XRCC2: variants seen among roughly 807,000 people sequenced by gnomAD.
The protein encoded by XRCC2 is X-ray repair cross complementing 2, also known as DNA repair protein XRCC2.
XRCC2 carries 24 observed loss-of-function variants against 27.3 expected under a neutral mutation model. The observed-to-expected ratio is 0.88, with a 90% CI of 0.64 to 1.24. The LOEUF is 1.24. XRCC2 is among the 50% of genes most tolerant of loss of function. The pLI is 0.00. For synonymous variants in XRCC2, 106 were observed against 115.4 expected, an observed-to-expected ratio of 0.92 and a Z score of 0.52; for missense variants, 321 against 325.8, an observed-to-expected ratio of 0.99 and a Z score of 0.11.
At chr7:152,664,447 G>A (rs2098034726) in intron 1 of XRCC2, among the ~76,000 whole-genome samples, 1 of 152,086 alleles carries the variant, frequency 6.6e-6, no homozygotes, top group Non-Finnish European at 1.5e-5. Context: ...AATGCAGACG[G>A]GCATCCTCCA....
At chr7:152,659,969 T>G (rs1333964708) in intron 2 of XRCC2, among the ~76,000 whole-genome samples, 1 of 152,174 alleles carries the variant, frequency 6.6e-6, no homozygotes, top group African/African-American at 2.4e-5. Context: ...AATGAACTAC[T>G]GATACGTGTT....
chr7:152,645,696 A>T lies in XRCC2; in HGVS notation c.*2946T>A, dbSNP rs1216768679. 6.6e-6 allele frequency: 1 copy of T among 152,172 alleles called. No homozygotes were observed. Among genetic ancestry groups the T allele is most frequent in the Non-Finnish European group, 1.5e-5 (1 of 68,042 alleles). 9.4% of individuals were successfully genotyped at this position (152,172 alleles called of 1,614,324 possible). Reference sequence around the variant, plus strand: ...TCTTGTTCTTGATTTTAAAAGAGACACTTCTAATATTTCACTATTAACTAA... The same window carrying T: ...TCTTGTTCTTGATTTTAAAAGAGACTCTTCTAATATTTCACTATTAACTAA... On this transcript the variant is annotated 3_prime_UTR_variant, in exon 3 of 3. Coordinates refer to ENST00000359321, the MANE Select transcript of XRCC2 (RefSeq NM_005431.2).
Position 152,646,247 on chromosome 7 carries a change from C to T in XRCC2, c.*2395G>A, listed in dbSNP as rs895025220. 9 of 151,404 alleles carry T rather than the reference C, an allele frequency of 5.9e-5. No individual in the cohort carries two copies. The highest frequency in any genetic ancestry group is 1.2e-4 in the African/African-American group (5 of 41,176). The allele number at this position is 151,404 out of a possible 1,614,324, so 9.4% of individuals were successfully genotyped here. On this transcript the variant is annotated 3_prime_UTR_variant, in exon 3 of 3. Coordinates refer to ENST00000359321, the MANE Select transcript of XRCC2 (RefSeq NM_005431.2). ...GGACCTTAGCACACTAATTCTTCTG[C>T]TCCTAATGTCAAATTATATGCTTTT...
At chr7:152,661,730 G>A (rs1190674355) in intron 1 of XRCC2, among the ~76,000 whole-genome samples, 1 of 152,180 alleles carries the variant, frequency 6.6e-6, no homozygotes, top group Non-Finnish European at 1.5e-5. Flanking sequence ...GGGCTCAGAC[G>A]CCATGTTTGG....
chr7:152,651,405 T>A (rs367776713), intron 2 of XRCC2, among the ~76,000 whole-genome samples: 1 of 143,514 alleles, frequency 7.0e-6, no homozygotes, highest in East Asian at 2.1e-4. Flanking sequence ...CTGGTCAATA[T>A]AGTGAGACCC....
intron 2 of XRCC2, among the ~76,000 whole-genome samples, chr7:152,659,160 A>G (rs2098032009): frequency 6.6e-6 from 1 of 152,054 alleles, no homozygotes; most frequent in South Asian, 2.1e-4. Flanking sequence ...TTTTGATAGT[A>G]GCCTTCCTAA....
chr7:152,650,588 T>G (rs911428551), intron 2 of XRCC2, among the ~76,000 whole-genome samples: 1 of 152,184 alleles, frequency 6.6e-6, no homozygotes, highest in African/African-American at 2.4e-5. Context: ...AACCAAATGA[T>G]GGTCTAAATA....
At chr7:152,671,908 G>A (rs1217314923) in intron 1 of XRCC2, among the ~76,000 whole-genome samples, 2 of 152,134 alleles carry the variant, frequency 1.3e-5, no homozygotes, top group East Asian at 3.8e-4. Flanking sequence ...AGGCGTAGTG[G>A]TGTGTCCCTT....
chr7:152,665,811 T>C (rs1371129191), intron 1 of XRCC2, among the ~76,000 whole-genome samples: 2 of 152,156 alleles, frequency 1.3e-5, no homozygotes, highest in Non-Finnish European at 2.9e-5. Flanking sequence ...TCCCACATTG[T>C]AGTTAGCCTT....
chr7:152,657,607 G>A (rs1213645530), intron 2 of XRCC2, among the ~76,000 whole-genome samples: 4 of 152,126 alleles, frequency 2.6e-5, no homozygotes, highest in African/African-American at 7.2e-5. Flanking sequence ...ATTCTTAAGT[G>A]ATCATTTTAA....
intron 1 of XRCC2, among the ~76,000 whole-genome samples, chr7:152,668,133 G>A (rs148274663): frequency 6.1e-4 from 92 of 152,038 alleles, no homozygotes; most frequent in African/African-American, 2.0e-3. Context: ...ACCACAGTTC[G>A]GAACTATTAA....
At chr7:152,669,501 C>G (rs1332163470) in intron 1 of XRCC2, among the ~76,000 whole-genome samples, 1 of 152,072 alleles carries the variant, frequency 6.6e-6, no homozygotes, top group Admixed American at 6.5e-5. Context: ...CCCCTGGGTT[C>G]AAGCGATTCT....
intron 1 of XRCC2, among the ~76,000 whole-genome samples, chr7:152,669,459 A>C (rs938042119): frequency 6.6e-6 from 1 of 152,116 alleles, no homozygotes; most frequent in Non-Finnish European, 1.5e-5. Context: ...CCCAGGCTGG[A>C]GTGCAGAGGC....
chr7:152,666,206 A>G (rs568995945), intron 1 of XRCC2, among the ~76,000 whole-genome samples: 1 of 152,182 alleles, frequency 6.6e-6, no homozygotes, highest in South Asian at 2.1e-4. Context: ...AGCTCTTTAG[A>G]TTCTTCAATA....
chr7:152,659,957 A>T (rs1293540695), intron 2 of XRCC2, among the ~76,000 whole-genome samples: 1 of 151,722 alleles, frequency 6.6e-6, no homozygotes, highest in Non-Finnish European at 1.5e-5. Flanking sequence ...TATTTAACAA[A>T]GAATGAACTA....
chr7:152,648,006 T>C lies in XRCC2; in HGVS notation c.*636A>G, dbSNP rs2098026743. ...ATATTGGTGGTAAATTAATACAAAG[T>C]TTAATTGCTAAAATCACTTTGATTC... On this transcript the variant is annotated 3_prime_UTR_variant, in exon 3 of 3. Coordinates refer to ENST00000359321, the MANE Select transcript of XRCC2 (RefSeq NM_005431.2). 1 of 152,210 alleles carries C rather than the reference T, an allele frequency of 6.6e-6. No homozygotes were observed. Among genetic ancestry groups the C allele is most frequent in the South Asian group, 2.1e-4 (1 of 4,832 alleles). The allele number at this position is 152,210 out of a possible 1,614,324, so 9.4% of individuals were successfully genotyped here.
intron 1 of XRCC2, among the ~76,000 whole-genome samples, chr7:152,664,935 G>A (rs903289674): frequency 4.6e-5 from 7 of 152,090 alleles, no homozygotes; most frequent in African/African-American, 9.7e-5. Context: ...GCAAAATGGT[G>A]GAGTGTGACC....
At chr7:152,668,279 G>A (rs760873297) in intron 1 of XRCC2, among the ~76,000 whole-genome samples, 3 of 152,062 alleles carry the variant, frequency 2.0e-5, no homozygotes, top group Non-Finnish European at 4.4e-5. Context: ...TATCCATGCT[G>A]TACACACTAC....
chr7:152,661,083 G>A (rs1400328718), intron 1 of XRCC2, among the ~76,000 whole-genome samples: 1 of 152,194 alleles, frequency 6.6e-6, no homozygotes, highest in Non-Finnish European at 1.5e-5. Context: ...AAGATCACTT[G>A]AGTCAAAGAG....
Sources: gnomAD v4.1 joint callset for allele counts (sites outside exome capture counted in the v4.1 genomes callset) on GRCh38, gnomAD v4.1.1 for gene constraint, MANE v1.5 for transcripts, NCBI Gene and HGNC (gene_info 2026-07-23, HGNC 2026-07-21) for gene names.